The following DCAF8L2 variants were observed in gnomAD, a reference collection of about 807,000 sequenced individuals.
DCAF8L2 encodes the protein DDB1 and CUL4 associated factor 8 like 2.
For missense variants in DCAF8L2, 430 were observed against 490.7 expected (o/e 0.88, Z 1.17); for synonymous variants, 200 against 190.9 (o/e 1.05, Z -0.39).
the DCAF8L2 span, among the ~76,000 whole-genome samples, chrX:27,498,707 A>G: frequency 1.8e-5 from 2 of 111,622 alleles, no homozygotes; most frequent in Non-Finnish European, 3.8e-5. Context: ...ACCAACATCT[A>G]CTCATTTCCC....
intron 1 of DCAF8L2, among the ~76,000 whole-genome samples, chrX:27,603,721 C>A (rs1415899435): frequency 8.9e-6 from 1 of 111,794 alleles, no homozygotes; most frequent in Non-Finnish European, 1.9e-5. Flanking sequence ...ACACTGATAG[C>A]CATAGGTGCA....
At chrX:27,559,615 C>T in the DCAF8L2 span, among the ~76,000 whole-genome samples, 4 of 111,972 alleles carry the variant, frequency 3.6e-5, no homozygotes, top group African/African-American at 1.3e-4. Flanking sequence ...AATTCATAGC[C>T]TCCACCTCTG....
chrX:27,553,694 T>G, the DCAF8L2 span, among the ~76,000 whole-genome samples: 1 of 111,944 alleles, frequency 8.9e-6, no homozygotes, highest in African/African-American at 3.2e-5. Flanking sequence ...GAGAGTTCAA[T>G]CCATTTACAT....
At chrX:27,746,816 C>A in intron 4 of DCAF8L2, 22 bp from the exon 5 acceptor site, 1 of 1,003,446 alleles carries the variant, frequency 1.0e-6, no homozygotes, top group Non-Finnish European at 1.3e-6. Context: ...CAGTCCTAAC[C>A]GCAGGCCAAC....
the DCAF8L2 span, among the ~76,000 whole-genome samples, chrX:27,580,992 T>C: frequency 8.9e-6 from 1 of 112,182 alleles, no homozygotes; most frequent in Non-Finnish European, 1.9e-5. Flanking sequence ...CAGAATATTA[T>C]GGTTCCAATG....
chrX:27,634,348 A>T (rs1928412178), intron 2 of DCAF8L2, among the ~76,000 whole-genome samples: 1 of 111,486 alleles, frequency 9.0e-6, no homozygotes, highest in Non-Finnish European at 1.9e-5. Context: ...TCAATCCTAA[A>T]TATCCTTCCA....
chrX:27,518,026 G>T, the DCAF8L2 span: 2 of 1,037,977 alleles, frequency 1.9e-6, no homozygotes, highest in Non-Finnish European at 2.7e-6. Flanking sequence ...GACACAGCAA[G>T]ATGTTAAAAA....
intron 1 of DCAF8L2, among the ~76,000 whole-genome samples, chrX:27,602,656 T>G (rs1043801856): frequency 8.9e-6 from 1 of 111,873 alleles, no homozygotes; most frequent in Admixed American, 9.5e-5. Flanking sequence ...GTAATAGATA[T>G]ACAATTTATA....
intron 2 of DCAF8L2, among the ~76,000 whole-genome samples, chrX:27,661,875 T>C (rs1242007427): frequency 9.0e-6 from 1 of 111,548 alleles, no homozygotes; most frequent in Non-Finnish European, 1.9e-5. Flanking sequence ...AGATTTTGAG[T>C]AAATAACCAC....
intron 1 of DCAF8L2, among the ~76,000 whole-genome samples, chrX:27,600,097 G>T (rs1926570941): frequency 8.9e-6 from 1 of 112,028 alleles, no homozygotes; most frequent in African/African-American, 3.2e-5. Context: ...TGGCACAAGA[G>T]AAACTTTTAT....
chrX:27,600,130 T>G (rs1926573803), intron 1 of DCAF8L2, among the ~76,000 whole-genome samples: 1 of 112,061 alleles, frequency 8.9e-6, no homozygotes, highest in Admixed American at 9.5e-5. Context: ...TTATATTTTT[T>G]TATCTAGGTC....
At chrX:27,691,335 C>T (rs1229852316) in intron 3 of DCAF8L2, among the ~76,000 whole-genome samples, 2 of 110,825 alleles carry the variant, frequency 1.8e-5, no homozygotes, top group African/African-American at 6.5e-5. Flanking sequence ...ATGCTGTTTC[C>T]TAAACACTTA....
the DCAF8L2 span, among the ~76,000 whole-genome samples, chrX:27,488,320 T>C: frequency 1.8e-5 from 2 of 111,603 alleles, no homozygotes; most frequent in Non-Finnish European, 3.8e-5. Flanking sequence ...CTAAATTATT[T>C]TGCCTATATT....
chrX:27,641,806 C>T (rs1260160801), intron 2 of DCAF8L2, among the ~76,000 whole-genome samples: 2 of 110,497 alleles, frequency 1.8e-5, no homozygotes, highest in Non-Finnish European at 3.8e-5. Flanking sequence ...TTTTACTCTG[C>T]ATAACGTGTG....
chrX:27,631,266 A>G (rs1290342057), intron 1 of DCAF8L2, among the ~76,000 whole-genome samples: 16 of 112,003 alleles, frequency 1.4e-4, no homozygotes, highest in African/African-American at 5.2e-4. Flanking sequence ...AAGGTCATAG[A>G]TGACAAGCTG....
chrX:27,622,533 A>G (rs961884510), intron 1 of DCAF8L2, among the ~76,000 whole-genome samples: 1 of 111,951 alleles, frequency 8.9e-6, no homozygotes, highest in African/African-American at 3.3e-5. Context: ...AGTAAAATTG[A>G]TAAATAAATT....
the DCAF8L2 span, among the ~76,000 whole-genome samples, chrX:27,526,633 G>GT: frequency 2.5e-3 from 285 of 112,355 alleles, no homozygotes; most frequent in African/African-American, 7.7e-3. Flanking sequence ...TTTCTGCTCT[G>GT]TTTTTTCCCC....
intron 3 of DCAF8L2, among the ~76,000 whole-genome samples, chrX:27,685,439 C>G (rs1280683000): frequency 1.8e-5 from 2 of 111,259 alleles, no homozygotes; most frequent in Non-Finnish European, 3.8e-5. Flanking sequence ...CATTTACAAC[C>G]AACTTATTTT....
chrX:27,477,917 C>A, the DCAF8L2 span, among the ~76,000 whole-genome samples: 722 of 111,396 alleles, frequency 6.5e-3, 9 homozygotes, highest in African/African-American at 0.022. Flanking sequence ...AATGAAAATG[C>A]CTAGAATATG....
Sources: gnomAD v4.1 joint callset for allele counts (sites outside exome capture counted in the v4.1 genomes callset) on GRCh38, gnomAD v4.1.1 for gene constraint, MANE v1.5 for transcripts, NCBI Gene and HGNC (gene_info 2026-07-23, HGNC 2026-07-21) for gene names.